GARRE1: variants seen among roughly 807,000 people sequenced by gnomAD.
GARRE1 encodes the protein granule associated Rac and RHOG effector protein 1.
Under a neutral mutation model 103.2 loss-of-function variants are expected in GARRE1, and 49 were observed. The ratio of observed to expected loss-of-function variants is 0.47; its 90% CI spans 0.38 to 0.60. The LOEUF is 0.60. Among genes scored for constraint, GARRE1 ranks in the 20% least tolerant of loss-of-function variants. GARRE1 has a pLI of 0.00. For missense variants in GARRE1, 1,199 were observed against 1,370.5 expected (o/e 0.87, Z 1.98); for synonymous variants, 505 against 532.8 (o/e 0.95, Z 0.72).
intron 7 of GARRE1, among the ~76,000 whole-genome samples, chr19:34,332,659 C>CT (rs2074143055): frequency 6.6e-6 from 1 of 152,146 alleles, no homozygotes; most frequent in African/African-American, 2.4e-5. Context: ...TATGGGAACT[C>CT]TGTTTAAACC....
At chr19:34,277,151 G>A (rs1282304478) in intron 1 of GARRE1, among the ~76,000 whole-genome samples, 1 of 152,124 alleles carries the variant, frequency 6.6e-6, no homozygotes, top group Non-Finnish European at 1.5e-5. Context: ...AAGATAAATG[G>A]TGTGACTGCA....
At chr19:34,278,569 C>T (rs1435395494) in intron 1 of GARRE1, among the ~76,000 whole-genome samples, 1 of 151,992 alleles carries the variant, frequency 6.6e-6, no homozygotes, top group Non-Finnish European at 1.5e-5. Context: ...CTATTTTAGG[C>T]ACCCCATATA....
intron 2 of GARRE1, among the ~76,000 whole-genome samples, chr19:34,315,815 A>T (rs1262183771): frequency 6.6e-6 from 1 of 152,180 alleles, no homozygotes; most frequent in Non-Finnish European, 1.5e-5. Context: ...ATATCATCAA[A>T]AAGAAAAGGT....
intron 2 of GARRE1, among the ~76,000 whole-genome samples, chr19:34,307,792 TAAAA>T (rs148017219): frequency 3.9e-4 from 42 of 109,022 alleles, no homozygotes; most frequent in South Asian, 8.2e-4. Flanking sequence ...ATATATACTA[TAAAA>T]AAAAAATATA....
chr19:34,324,749 G>C (rs1400656298), intron 3 of GARRE1, among the ~76,000 whole-genome samples: 1 of 151,816 alleles, frequency 6.6e-6, no homozygotes, highest in East Asian at 1.9e-4. Context: ...TCCTGCACCC[G>C]GTCTGTAAAT....
At chr19:34,321,330 C>G (rs1384364972) in intron 3 of GARRE1, among the ~76,000 whole-genome samples, 2 of 148,848 alleles carry the variant, frequency 1.3e-5, no homozygotes, top group Admixed American at 6.9e-5. Flanking sequence ...CCTGCCTTGG[C>G]CTCCCAAAGT....
intron 1 of GARRE1, among the ~76,000 whole-genome samples, chr19:34,277,954 A>T: frequency 8.2e-6 from 1 of 122,414 alleles, no homozygotes; most frequent in Non-Finnish European, 1.6e-5. Context: ...GTGCCTTAAC[A>T]CCTCCACAGA....
chr19:34,353,114 T>C lies in GARRE1; in HGVS notation c.*159T>C. 1.5e-6 allele frequency: 1 copy of C among 665,198 alleles called. No individual in the cohort carries two copies. Among genetic ancestry groups the C allele is most frequent in the Non-Finnish European group, 2.5e-6 (1 of 403,048 alleles). The allele number at this position is 665,198 out of a possible 1,614,324, so 41.2% of individuals were successfully genotyped here. The stretch of plus-strand genomic sequence containing the variant: ...CTTGGGGACAAGGGTGGTTGGCAGC[T>C]CCAAGCCTTTAAACCTGGCTTCTGA... On this transcript the variant is annotated 3_prime_UTR_variant, in exon 14 of 14. Coordinates refer to ENST00000299505, the MANE Select transcript of GARRE1 (RefSeq NM_014686.5).
chr19:34,325,079 ATATTCCTCCT>A (rs72212746), intron 3 of GARRE1, among the ~76,000 whole-genome samples: 14,214 of 152,160 alleles, frequency 0.093, 1,004 homozygotes, highest in African/African-American at 0.19. Context: ...AGTGTGGAGA[ATATTCCTCCT>A]TGGAAATACT....
At chr19:34,316,390 G>A (rs992551047) in intron 2 of GARRE1, among the ~76,000 whole-genome samples, 2 of 152,198 alleles carry the variant, frequency 1.3e-5, no homozygotes, top group African/African-American at 2.4e-5. Context: ...CTTTCTCCAT[G>A]TGAAGGAGAA....
chr19:34,333,045 TTTTG>T (rs892708161), intron 7 of GARRE1, among the ~76,000 whole-genome samples: 24 of 152,254 alleles, frequency 1.6e-4, no homozygotes, highest in Non-Finnish European at 2.9e-4. Flanking sequence ...GGTTTGACTT[TTTTG>T]TTTGTTTGTT....
chr19:34,297,926 T>C (rs1177545099), intron 1 of GARRE1, among the ~76,000 whole-genome samples: 2 of 152,210 alleles, frequency 1.3e-5, no homozygotes, highest in Non-Finnish European at 2.9e-5. Flanking sequence ...GTATCCACAG[T>C]GTCCTTCTCA....
intron 2 of GARRE1, among the ~76,000 whole-genome samples, chr19:34,319,407 A>T (rs1212162863): frequency 6.6e-6 from 1 of 152,210 alleles, no homozygotes; most frequent in East Asian, 1.9e-4. Flanking sequence ...CAACTATGTT[A>T]ATAACTATGT....
intron 1 of GARRE1, among the ~76,000 whole-genome samples, chr19:34,257,345 T>C: frequency 6.6e-6 from 1 of 152,106 alleles, no homozygotes; most frequent in Non-Finnish European, 1.5e-5. Context: ...GTGTCCACTC[T>C]CTTTTTTTTT....
At chr19:34,275,575 A>C (rs184879205) in intron 1 of GARRE1, among the ~76,000 whole-genome samples, 3 of 152,320 alleles carry the variant, frequency 2.0e-5, no homozygotes, top group Admixed American at 6.5e-5. Context: ...TTCATGGCTG[A>C]ATAATATTCC....
At chr19:34,318,462 T>C (rs1669262) in intron 2 of GARRE1, among the ~76,000 whole-genome samples, 113,275 of 152,232 alleles carry the variant, frequency 0.74, 42,661 homozygotes, top group Middle Eastern at 0.8. Flanking sequence ...GAGGGCCGGC[T>C]GTGAGTAGGC....
At chr19:34,330,928 C>T (rs1439492770) in intron 7 of GARRE1, among the ~76,000 whole-genome samples, 1 of 148,152 alleles carries the variant, frequency 6.7e-6, no homozygotes. Flanking sequence ...GAGATGGAGT[C>T]TCGCTGTGTT....
chr19:34,322,203 C>T (rs1371761189), intron 3 of GARRE1, among the ~76,000 whole-genome samples: 2 of 152,292 alleles, frequency 1.3e-5, no homozygotes, highest in East Asian at 3.9e-4. Flanking sequence ...CAGAGTTTCG[C>T]TCTTGTTGCC....
chr19:34,257,093 T>C (rs748691361), intron 1 of GARRE1, among the ~76,000 whole-genome samples: 65 of 152,136 alleles, frequency 4.3e-4, no homozygotes, highest in Non-Finnish European at 8.4e-4. Flanking sequence ...TCAGATTCCC[T>C]TGGCAAGCCT....
Sources: gnomAD v4.1 joint callset for allele counts (sites outside exome capture counted in the v4.1 genomes callset) on GRCh38, gnomAD v4.1.1 for gene constraint, MANE v1.5 for transcripts, NCBI Gene and HGNC (gene_info 2026-07-23, HGNC 2026-07-21) for gene names.